Variants in WDR59 observed in about 807,000 individuals in gnomAD.
WDR59 encodes the protein GATOR2 complex protein WDR59.
A neutral mutation model predicts 131.2 loss-of-function variants in WDR59; 100 were observed. The ratio of observed to expected loss-of-function variants is 0.76; its 90% confidence interval spans 0.65 to 0.90. The LOEUF is 0.90. Among genes scored for constraint, WDR59 ranks in the 40% least tolerant of loss-of-function variants. The pLI is 0.00. For synonymous variants in WDR59, 601 were observed against 466.2 expected (o/e 1.29, Z -3.72); for missense variants, 1,203 against 1,262.2 (o/e 0.95, Z 0.71).
At chr16:74,920,168 A>G (rs1198444487) in intron 10 of WDR59, among the ~76,000 whole-genome samples, 1 of 152,138 alleles carries the variant, frequency 6.6e-6, no homozygotes, top group Non-Finnish European at 1.5e-5. Flanking sequence ...ATGGTTCCCA[A>G]TTTACAATGG....
At chr16:74,893,554 A>C in intron 19 of WDR59, 125 bp downstream of exon 19, 1 of 1,006,688 alleles carries the variant, frequency 9.9e-7, no homozygotes, top group East Asian at 2.6e-5. Flanking sequence ...AGCAACAGAA[A>C]GCTAATACAT....
At chr16:74,908,196 T>A (rs1393583058) in intron 17 of WDR59, among the ~76,000 whole-genome samples, 1 of 152,134 alleles carries the variant, frequency 6.6e-6, no homozygotes, top group Admixed American at 6.6e-5. Flanking sequence ...GGCAGGTGGA[T>A]TGCTTGAGCT....
chr16:74,893,853 C>A lies in WDR59; in HGVS notation c.1867-41G>T, dbSNP rs764701206. The A allele has an allele frequency of 3.7e-6, 6 of 1,604,968 alleles. No individual in the cohort carries two copies. The Admixed American group carries it at 5.0e-5, about 13-fold the overall frequency. ...AGGATGTAACTAATGGGGACTTTGACAAGTGGAAACCAACAATTGCAGAGC... is the reference window on the plus strand; with the variant it reads ...AGGATGTAACTAATGGGGACTTTGAAAAGTGGAAACCAACAATTGCAGAGC... On this transcript the variant is annotated intron_variant, in intron 18 of 25. Transcript: ENST00000262144.
At chr16:74,981,964 A>G (rs907500186) in intron 1 of WDR59, among the ~76,000 whole-genome samples, 21 of 124,420 alleles carry the variant, frequency 1.7e-4, no homozygotes, top group Non-Finnish European at 3.3e-4. Flanking sequence ...CCATATATGT[A>G]TATTTTTTAG....
chr16:74,888,819 G>A (rs965324535), intron 21 of WDR59, among the ~76,000 whole-genome samples: 8 of 152,228 alleles, frequency 5.3e-5, no homozygotes, highest in Non-Finnish European at 7.3e-5. Flanking sequence ...TTATGAAGAT[G>A]AGCTATTAGG....
intron 8 of WDR59, 138 bp downstream of exon 8, chr16:74,938,011 GT>G: frequency 1.8e-6 from 1 of 558,336 alleles, no homozygotes. Context: ...AAATTTATGT[GT>G]TCAGTTGCCC....
intron 1 of WDR59, among the ~76,000 whole-genome samples, chr16:74,974,739 T>C (rs2034120265): frequency 6.6e-6 from 1 of 152,206 alleles, no homozygotes; most frequent in South Asian, 2.1e-4. Flanking sequence ...GGTGCCTACA[T>C]GACCAGCCCT....
At chr16:74,981,660 A>ATATATATATATATTTTTT (rs1567451007) in intron 1 of WDR59, among the ~76,000 whole-genome samples, 4 of 80,864 alleles carry the variant, frequency 4.9e-5, no homozygotes, top group African/African-American at 2.9e-4. Flanking sequence ...ATATATATAT[A>ATATATATATATATTTTTT]TTTTTTTTTT....
chr16:74,929,176 G>A (rs1354231996), intron 8 of WDR59, among the ~76,000 whole-genome samples: 1 of 152,170 alleles, frequency 6.6e-6, no homozygotes, highest in East Asian at 1.9e-4. Flanking sequence ...CCGGGTTCAT[G>A]CCATTCTCCT....
At chr16:74,883,111 G>A (rs549798265) in intron 25 of WDR59, among the ~76,000 whole-genome samples, 18 of 129,060 alleles carry the variant, frequency 1.4e-4, no homozygotes, top group East Asian at 2.7e-4. Flanking sequence ...CGCAACCTCC[G>A]CCTCCCGAGC....
rs549287654 is a variant in WDR59, at chr16:74,935,240, G to T, written c.651+2910C>A. Among the ~76,000 whole-genome samples the T allele has an allele frequency of 4.6e-5, 7 of 151,314 alleles. No homozygotes were observed. The East Asian group carries it at 9.7e-4, about 21-fold the overall frequency. On this transcript the variant is annotated intron_variant, in intron 8 of 25. Transcript: ENST00000262144. Reference sequence around the variant, plus strand: ...GCAAGACTCTGTCTCAAAAAAAAAAGAATGTACCAAGTGACTATGTCTGGA... The same window carrying T: ...GCAAGACTCTGTCTCAAAAAAAAAATAATGTACCAAGTGACTATGTCTGGA...
At chr16:74,898,094 T>A (rs890054203) in intron 18 of WDR59, among the ~76,000 whole-genome samples, 5 of 152,186 alleles carry the variant, frequency 3.3e-5, no homozygotes, top group African/African-American at 1.2e-4. Context: ...TCCTAAGAAA[T>A]TTTCCCCTTA....
intron 18 of WDR59, among the ~76,000 whole-genome samples, chr16:74,903,620 T>C (rs944192174): frequency 1.3e-5 from 2 of 152,134 alleles, no homozygotes; most frequent in Admixed American, 6.6e-5. Flanking sequence ...CAGAATACCA[T>C]GGAAGACTTG....
rs375900043 is a variant in WDR59, at chr16:74,885,653, C to T, written c.2689G>A (p.Glu897Lys). 9.3e-6 allele frequency: 15 copies of T among 1,613,488 alleles called. No homozygotes were observed. Among genetic ancestry groups the T allele is most frequent in the South Asian group, 1.1e-5 (1 of 91,018 alleles). ...GGAAGAGAGAGAAATTCATACTCACCGATCCCTTTGTGAGGGTCAGGAGGA... is the reference window on the plus strand; with the variant it reads ...GGAAGAGAGAGAAATTCATACTCACTGATCCCTTTGTGAGGGTCAGGAGGA... ...SCPPDPHKGI[E>K]FGVYCSHCRS... The change falls in exon 25 of 26, where the codon GAG (glutamate) becomes AAG (lysine). Residue 897 changes from glutamate to lysine, a missense_variant and splice_region_variant. Coordinates refer to ENST00000262144, the MANE Select transcript of WDR59 (RefSeq NM_030581.4).
At chr16:74,976,314 A>C (rs1484045622) in intron 1 of WDR59, among the ~76,000 whole-genome samples, 3 of 152,150 alleles carry the variant, frequency 2.0e-5, no homozygotes, top group Non-Finnish European at 4.4e-5. Flanking sequence ...ATAAATCACC[A>C]ACCATTATTA....
At chr16:74,984,328 T>A (rs1405373644) in intron 1 of WDR59, among the ~76,000 whole-genome samples, 1 of 152,110 alleles carries the variant, frequency 6.6e-6, no homozygotes, top group African/African-American at 2.4e-5. Flanking sequence ...ATAAAATCTT[T>A]AAGCCAATCT....
intron 18 of WDR59, among the ~76,000 whole-genome samples, chr16:74,895,188 T>C (rs1483785299): frequency 6.6e-6 from 1 of 152,220 alleles, no homozygotes; most frequent in Non-Finnish European, 1.5e-5. Flanking sequence ...TTAGCTGAAG[T>C]ATCTGTGAAC....
chr16:74,932,417 G>A (rs1286315906), intron 8 of WDR59, among the ~76,000 whole-genome samples: 2 of 135,960 alleles, frequency 1.5e-5, no homozygotes, highest in Non-Finnish European at 3.1e-5. Flanking sequence ...ATTGAGTCAT[G>A]AAACATAATT....
At chr16:74,936,655 G>A (rs1384653083) in intron 8 of WDR59, among the ~76,000 whole-genome samples, 1 of 151,974 alleles carries the variant, frequency 6.6e-6, no homozygotes, top group Non-Finnish European at 1.5e-5. Context: ...GTTAAACCCT[G>A]TCTGTACTAA....
Sources: allele counts gnomAD v4.1 joint callset (sites outside exome capture counted in the v4.1 genomes callset), GRCh38; gene constraint gnomAD v4.1.1; transcripts MANE v1.5; gene names NCBI Gene and HGNC (gene_info 2026-07-23, HGNC 2026-07-21).